The following NAF1 variants were observed in gnomAD, a reference collection of about 807,000 sequenced individuals.
The protein encoded by NAF1 is H/ACA ribonucleoprotein complex non-core subunit NAF1.
Under a neutral mutation model 40.6 loss-of-function variants are expected in NAF1, and 11 were observed. The ratio of observed to expected loss-of-function variants is 0.27; its 90% CI spans 0.17 to 0.45. NAF1 has a LOEUF of 0.45. NAF1 is among the 20% of genes least tolerant of loss of function. The pLI is 1.00. For synonymous variants in NAF1, 260 were observed against 228.5 expected, an observed-to-expected ratio of 1.14 and a Z score of -1.24; for missense variants, 607 against 611.1, an observed-to-expected ratio of 0.99 and a Z score of 0.07.
intron 5 of NAF1, among the ~76,000 whole-genome samples, chr4:163,139,650 T>C (rs1560791657): frequency 6.6e-6 from 1 of 152,138 alleles, no homozygotes; most frequent in Non-Finnish European, 1.5e-5. Flanking sequence ...TCACTTAGCA[T>C]TATTGATAGA....
At chr4:163,127,785 G>A (rs145802060), downstream of NAF1, among the ~76,000 whole-genome samples, 463 of 152,272 alleles carry the variant, frequency 3.0e-3, 3 homozygotes, top group African/African-American at 0.011. Context: ...CAACCAGAGC[G>A]CATGGGCTTG....
At chr4:163,154,638 C>T (rs1207292267) in intron 2 of NAF1, among the ~76,000 whole-genome samples, 1 of 151,948 alleles carries the variant, frequency 6.6e-6, no homozygotes, top group African/African-American at 2.4e-5. Context: ...TTTGGGAGGC[C>T]AAGGCAGGCG....
At chr4:163,154,341 G>A (rs1206287583) in intron 2 of NAF1, among the ~76,000 whole-genome samples, 1 of 152,074 alleles carries the variant, frequency 6.6e-6, no homozygotes, top group African/African-American at 2.4e-5. Context: ...ATGAAGTCTC[G>A]CCCCAAATAC....
At chr4:163,104,119 A>G in the NAF1 span, among the ~76,000 whole-genome samples, 2 of 152,068 alleles carry the variant, frequency 1.3e-5, no homozygotes, top group Non-Finnish European at 2.9e-5. Context: ...GGAGGTTCTG[A>G]GCCAGGAGAA....
Position 163,133,260 on chromosome 4 carries a change from G to T in NAF1, c.931-4C>A, listed in dbSNP as rs1730937196. On this transcript the variant is annotated splice_polypyrimidine_tract_variant and splice_region_variant and intron_variant, in intron 6 of 7. Transcript: ENST00000274054. ...CATCATCACTAAAATCTAAGGCCTT[G>T]CAGAGAAAAGTATATAATAGGTTTA... The T allele has an allele frequency of 6.2e-7, 1 of 1,608,198 alleles. No homozygotes were observed. Among genetic ancestry groups the T allele is most frequent in the African/African-American group, 1.3e-5 (1 of 74,806 alleles).
chr4:163,163,987 C>G (rs1191455723), intron 2 of NAF1, among the ~76,000 whole-genome samples: 2 of 151,954 alleles, frequency 1.3e-5, no homozygotes, highest in African/African-American at 2.4e-5. Flanking sequence ...GAAGTTGATG[C>G]CATAATCGGA....
chr4:163,154,210 C>T (rs1233912972), intron 2 of NAF1, among the ~76,000 whole-genome samples: 2 of 152,206 alleles, frequency 1.3e-5, no homozygotes, highest in African/African-American at 4.8e-5. Context: ...CTACCAATTC[C>T]GGACACACTA....
chr4:163,118,748 G>A (rs150306557), intron 2 of NAF1, among the ~76,000 whole-genome samples: 3 of 151,688 alleles, frequency 2.0e-5, no homozygotes, highest in African/African-American at 7.3e-5. Context: ...GAGAGACGCT[G>A]TCTCAAAAAA....
intron 2 of NAF1, among the ~76,000 whole-genome samples, chr4:163,154,519 T>C (rs1179673302): frequency 2.6e-5 from 4 of 152,156 alleles, no homozygotes; most frequent in Non-Finnish European, 5.9e-5. Context: ...AAGGCACATA[T>C]GTGGAGGTCT....
Position 163,164,371 on chromosome 4 carries a change from G to C in NAF1, c.386C>G (p.Ser129Ter). 6.3e-7 allele frequency: 1 copy of C among 1,582,190 alleles called. No homozygotes were observed. The highest frequency in any genetic ancestry group is 8.6e-7 in the Non-Finnish European group (1 of 1,164,282). Residue 129 changes from serine to a stop codon, truncating the protein, a stop_gained, in exon 2 of 8, where the codon TCA (serine) becomes TGA (stop). Coordinates refer to ENST00000274054, the MANE Select transcript of NAF1 (RefSeq NM_138386.3). LOFTEE classifies it high-confidence loss of function. Reference sequence around the variant, plus strand: ...AGATGAAGAGGAAGACGATGAACTTGAACTATCTGAATCTGTTTCACTGTA... The same window carrying C: ...AGATGAAGAGGAAGACGATGAACTTCAACTATCTGAATCTGTTTCACTGTA... ...DSDSETDSDS[S>*]SSSSSSSSSS...
At chr4:163,138,198 A>G (rs1458778615) in intron 5 of NAF1, among the ~76,000 whole-genome samples, 1 of 152,110 alleles carries the variant, frequency 6.6e-6, no homozygotes, top group Non-Finnish European at 1.5e-5. Context: ...CACAACATGA[A>G]AGTTATTAAG....
At chr4:163,104,352 T>C in the NAF1 span, among the ~76,000 whole-genome samples, 2 of 152,218 alleles carry the variant, frequency 1.3e-5, no homozygotes, top group Non-Finnish European at 2.9e-5. Context: ...TGTAGTTCTA[T>C]TAATGCCATA....
rs1732167540 is a variant in NAF1, at chr4:163,160,365, CAAAA to C, written c.540+3848_540+3851del. On this transcript the variant is annotated intron_variant, in intron 2 of 7. Transcript: ENST00000274054. ...TCACATTAAAAAACAAAAACAAAAACAAAAACAAAAAACTGGGTTATAACCACAT... is the reference window on the plus strand; with the variant it reads ...TCACATTAAAAAACAAAAACAAAAACACAAAAAACTGGGTTATAACCACAT... 2.0e-5 allele frequency among the ~76,000 whole-genome samples: 3 copies of C among 151,812 alleles called. 1 individual carries two copies. The South Asian group carries it at 6.2e-4, about 32-fold the overall frequency.
chr4:163,124,270 G>A (rs553502216), downstream of NAF1, among the ~76,000 whole-genome samples: 20 of 152,268 alleles, frequency 1.3e-4, no homozygotes, highest in African/African-American at 3.1e-4. Context: ...GTCCGGTGAT[G>A]GTTGCTCTCT....
downstream of NAF1, among the ~76,000 whole-genome samples, chr4:163,109,802 A>G (rs1044638802): frequency 6.6e-6 from 1 of 152,202 alleles, no homozygotes; most frequent in African/African-American, 2.4e-5. Context: ...GCATAGATAT[A>G]GAGATTACTG....
At chr4:163,162,285 T>C (rs150703899) in intron 2 of NAF1, among the ~76,000 whole-genome samples, 20 of 152,334 alleles carry the variant, frequency 1.3e-4, no homozygotes, top group Admixed American at 3.9e-4. Context: ...AACTTAAGAT[T>C]TGAAACCCCG....
rs1464168938 is a variant in NAF1, at chr4:163,137,284, T to C, written c.879-34A>G. 4 of 1,587,958 alleles carry C rather than the reference T, an allele frequency of 2.5e-6. No individual in the cohort carries two copies. In the East Asian group the frequency reaches 9.0e-5, roughly 36 times the overall value. On this transcript the variant is annotated intron_variant, in intron 5 of 7. Coordinates refer to ENST00000274054, the MANE Select transcript of NAF1 (RefSeq NM_138386.3). ...GGTGGGGATGGGAGTCAAAAAAGTA[T>C]TCATCACAATTCTATTAAGTGCTCA... is the stretch of plus-strand genomic sequence containing the variant.
chr4:163,106,250 C>T (rs556339745), downstream of NAF1, among the ~76,000 whole-genome samples: 5 of 152,180 alleles, frequency 3.3e-5, 1 homozygote, highest in African/African-American at 1.2e-4. Flanking sequence ...TTATTTCAAA[C>T]TAAGGAATTT....
intron 2 of NAF1, among the ~76,000 whole-genome samples, chr4:163,115,155 T>C (rs915793555): frequency 6.6e-6 from 1 of 151,970 alleles, no homozygotes; most frequent in African/African-American, 2.4e-5. Flanking sequence ...ATTTTTTCTG[T>C]TATTCTCAAT....
Sources: allele counts gnomAD v4.1 joint callset (sites outside exome capture counted in the v4.1 genomes callset), GRCh38; gene constraint gnomAD v4.1.1; transcripts MANE v1.5; gene names NCBI Gene and HGNC (gene_info 2026-07-23, HGNC 2026-07-21).